Variants in MLLT1 observed in about 807,000 individuals in gnomAD.
MLLT1 encodes the protein MLLT1 super elongation complex subunit, also known as protein ENL.
In MLLT1, 11 loss-of-function variants were observed where a neutral mutation model predicts 55.1. The ratio of observed to expected loss-of-function variants is 0.20; its 90% CI spans 0.13 to 0.33. The LOEUF is 0.33. MLLT1 is among the 10% of genes least tolerant of loss of function. The pLI is 1.00. For missense variants in MLLT1, 536 were observed against 760.6 expected (o/e 0.70, Z 3.47); for synonymous variants, 323 against 320.1 (o/e 1.01, Z -0.10).
In MLLT1 at chr19:6,227,582, C is replaced by T. The variant is rs2090967536; in HGVS notation, c.421-480G>A. Among the ~76,000 whole-genome samples, 1 of 152,226 alleles carries T rather than the reference C, an allele frequency of 6.6e-6. No individual in the cohort carries two copies. Among genetic ancestry groups the T allele is most frequent in the Non-Finnish European group, 1.5e-5 (1 of 68,042 alleles). On this transcript the variant is annotated intron_variant, in intron 4 of 11. Coordinates refer to ENST00000252674, the MANE Select transcript of MLLT1 (RefSeq NM_005934.4). This position sits in a 1 kb window ranked among gnomAD's most constrained non-coding sequence, Gnocchi z 5.1. ...CCACGTGCCCGGAGAATGAGCCGTC[C>T]TTGGTGTGCGGTGACTGCAGCGGAC...
chr19:6,242,716 G>T (rs918979631), intron 3 of MLLT1, among the ~76,000 whole-genome samples: 1 of 152,118 alleles, frequency 6.6e-6, no homozygotes, highest in Non-Finnish European at 1.5e-5. Flanking sequence ...AAGTTTTACC[G>T]CCCCAAACAG....
chr19:6,265,895 C>T (rs2091344997), intron 2 of MLLT1, among the ~76,000 whole-genome samples: 2 of 151,864 alleles, frequency 1.3e-5, no homozygotes, highest in South Asian at 4.2e-4. Context: ...AGGAGAATCG[C>T]TTGAACCCGG....
At chr19:6,225,855 C>A (rs1361091250) in intron 5 of MLLT1, among the ~76,000 whole-genome samples, 1 of 152,204 alleles carries the variant, frequency 6.6e-6, no homozygotes, top group Non-Finnish European at 1.5e-5. Context: ...CAGAAGAAAT[C>A]TTGTTGTGGT....
chr19:6,275,947 G>T (rs1023408530), intron 1 of MLLT1, among the ~76,000 whole-genome samples: 3 of 152,204 alleles, frequency 2.0e-5, no homozygotes, highest in Admixed American at 1.3e-4. Flanking sequence ...CGTTCTCCAG[G>T]GGGGAGGGGG....
chr19:6,222,059 A>G lies in MLLT1; in HGVS notation c.1110+62T>C. Reference sequence around the variant, plus strand: ...ATCCCACCTCCTTCCGCTGTTCCAGAAGGGAGGCGGGTCCCACCACACTGC... The same window carrying G: ...ATCCCACCTCCTTCCGCTGTTCCAGGAGGGAGGCGGGTCCCACCACACTGC... On this transcript the variant is annotated intron_variant, in intron 6 of 11. Coordinates refer to ENST00000252674, the MANE Select transcript of MLLT1 (RefSeq NM_005934.4). This position sits in a 1 kb window ranked among gnomAD's most constrained non-coding sequence, Gnocchi z 4.1. 9 of 1,349,900 alleles carry G rather than the reference A, an allele frequency of 6.7e-6. No homozygotes were observed. Among genetic ancestry groups the G allele is most frequent in the Non-Finnish European group, 8.8e-6 (9 of 1,021,762 alleles). 83.6% of individuals were successfully genotyped at this position (1,349,900 alleles called of 1,614,324 possible).
At position 6,213,147 on chromosome 19, in the gene MLLT1, A is replaced by G. The variant is rs757039325; in HGVS notation, c.1575T>C (p.Thr525=). ...TGGTGTTGGTGACATTGAAGTGGCCAGTCTCCTCGATCAGATTCACAATCT... is the reference window on the plus strand; with the variant it reads ...TGGTGTTGGTGACATTGAAGTGGCCGGTCTCCTCGATCAGATTCACAATCT... ...LQQIVNLIEE[T]GHFNVTNTTF... is the part of the protein sequence containing the mutation. The change falls in exon 12 of 12, where the codon ACT becomes ACC. Residue 525 remains threonine (T), a synonymous_variant. Transcript: ENST00000252674. 7 of 1,613,910 alleles carry G rather than the reference A, an allele frequency of 4.3e-6. No individual in the cohort carries two copies. Among genetic ancestry groups the G allele is most frequent in the South Asian group, 1.1e-5 (1 of 91,082 alleles).
At chr19:6,251,196 G>A (rs1263906725) in intron 3 of MLLT1, among the ~76,000 whole-genome samples, 3 of 152,164 alleles carry the variant, frequency 2.0e-5, no homozygotes, top group Non-Finnish European at 4.4e-5. Context: ...CCCTGTGAAT[G>A]TACTAAATGC....
chr19:6,266,491 C>G (rs1175486617), intron 2 of MLLT1, among the ~76,000 whole-genome samples: 1 of 152,140 alleles, frequency 6.6e-6, no homozygotes, highest in Non-Finnish European at 1.5e-5. Flanking sequence ...GAGTTTCTCT[C>G]TGTCACCCAG....
intron 1 of MLLT1, among the ~76,000 whole-genome samples, 165 bp downstream of exon 1, chr19:6,279,608 G>A (rs1318268987): frequency 1.3e-5 from 2 of 151,546 alleles, no homozygotes; most frequent in Admixed American, 6.6e-5. Context: ...TCGCGGATGG[G>A]GGAGGGGCGC....
chr19:6,245,344 G>A (rs1335441486), intron 3 of MLLT1, among the ~76,000 whole-genome samples: 4 of 147,458 alleles, frequency 2.7e-5, no homozygotes, highest in African/African-American at 5.0e-5. Context: ...CTTCCACCTC[G>A]GCCTCCCAAA....
chr19:6,245,257 CTTTT>C (rs71172798), intron 3 of MLLT1, among the ~76,000 whole-genome samples: 2 of 133,744 alleles, frequency 1.5e-5, no homozygotes, highest in Middle Eastern at 3.6e-3. Context: ...TTCTTTCTTT[CTTTT>C]TTTTTTTTTT....
At chr19:6,269,682 G>C (rs950187048) in intron 2 of MLLT1, among the ~76,000 whole-genome samples, 1 of 152,200 alleles carries the variant, frequency 6.6e-6, no homozygotes, top group Non-Finnish European at 1.5e-5. Context: ...ACCCACGCTT[G>C]TGCACGGCTC....
rs117052513 is a variant in MLLT1 at position 6,236,517 on chromosome 19, G to A, written c.277-5804C>T. The stretch of plus-strand genomic sequence containing the variant: ...CCGGCATGTTCACAACTGCAGAGAG[G>A]GGCAGCACCGAAAAGCAAGGAAGGC... On this transcript the variant is annotated intron_variant, in intron 3 of 11. Coordinates refer to ENST00000252674, the MANE Select transcript of MLLT1 (RefSeq NM_005934.4). Among the ~76,000 whole-genome samples the A allele has an allele frequency of 3.2e-3, 485 of 152,258 alleles. 7 individuals carry two copies. The highest frequency in any genetic ancestry group is 0.023 in the East Asian group (117 of 5,162).
chr19:6,237,763 CAAA>C (rs1269996726), intron 3 of MLLT1, among the ~76,000 whole-genome samples: 54 of 71,756 alleles, frequency 7.5e-4, no homozygotes, highest in Non-Finnish European at 1.2e-3. Flanking sequence ...ACTCTTGTCT[CAAA>C]AAAAAAAAAA....
intron 7 of MLLT1, 95 bp from the exon 8 acceptor site, chr19:6,216,608 A>C (rs1400286747): frequency 2.4e-6 from 2 of 838,966 alleles, no homozygotes; most frequent in East Asian, 5.4e-5. Flanking sequence ...GAGCTTCTTG[A>C]CACTGGTGAC....
chr19:6,214,296 C>T (rs1047034114), intron 8 of MLLT1, among the ~76,000 whole-genome samples: 6 of 152,178 alleles, frequency 3.9e-5, no homozygotes, highest in Non-Finnish European at 7.4e-5. Flanking sequence ...CCGGGATACC[C>T]GGGACACAAA....
chr19:6,253,038 C>A (rs2091230720), intron 3 of MLLT1, among the ~76,000 whole-genome samples: 1 of 151,654 alleles, frequency 6.6e-6, no homozygotes. Context: ...CCGAAGTGGG[C>A]GGATCATGAA....
In MLLT1 at chr19:6,211,611, C is replaced by T. The variant is rs953716843; in HGVS notation, c.*1431G>A. On this transcript the variant is annotated 3_prime_UTR_variant, in exon 12 of 12. Coordinates refer to ENST00000252674, the MANE Select transcript of MLLT1 (RefSeq NM_005934.4). The surrounding 1 kb of genome is among the most constrained non-coding windows in gnomAD (Gnocchi z 4.6). ...GCGAGCCCACCTCCAGGCCCTCAGCCCTCTTTTCCTCATAACTTGGTCAGG... is the reference window on the plus strand; with the variant it reads ...GCGAGCCCACCTCCAGGCCCTCAGCTCTCTTTTCCTCATAACTTGGTCAGG... 2.4e-5 allele frequency: 26 copies of T among 1,065,090 alleles called. No individual in the cohort carries two copies. Among genetic ancestry groups the T allele is most frequent in the Non-Finnish European group, 3.0e-5 (26 of 879,146 alleles). 66.0% of individuals were successfully genotyped at this position (1,065,090 alleles called of 1,614,324 possible). A position where few individuals can be genotyped will look rare whatever the true frequency, so the allele number is the denominator to read the frequency against.
At position 6,211,885 on chromosome 19, in the gene MLLT1, C is replaced by T. The variant is rs544990640; in HGVS notation, c.*1157G>A. On this transcript the variant is annotated 3_prime_UTR_variant, in exon 12 of 12. Coordinates refer to ENST00000252674, the MANE Select transcript of MLLT1 (RefSeq NM_005934.4). This position sits in a 1 kb window ranked among gnomAD's most constrained non-coding sequence, Gnocchi z 4.6. ...GCGGGCGCGGCACCAGCATGAATTG[C>T]GGCGGTGGAGGCCGGGGCGGGCCAG... 78 of 1,064,378 alleles carry T rather than the reference C, an allele frequency of 7.3e-5. No homozygotes were observed. The African/African-American group carries it at 9.2e-4, about 13-fold the overall frequency. 65.9% of individuals were successfully genotyped at this position (1,064,378 alleles called of 1,614,324 possible).
Sources: gnomAD v4.1 joint callset for allele counts (sites outside exome capture counted in the v4.1 genomes callset) on GRCh38, gnomAD v4.1.1 for gene constraint, Gnocchi (gnomAD v3.1) non-coding constraint, MANE v1.5 for transcripts, NCBI Gene and HGNC (gene_info 2026-07-23, HGNC 2026-07-21) for gene names.